Variants in VPS37C observed in about 807,000 individuals in gnomAD.
VPS37C encodes VPS37C subunit of ESCRT-I, also known as vacuolar protein sorting-associated protein 37C.
VPS37C carries 9 observed loss-of-function variants against 16.1 expected under a neutral mutation model. The observed-to-expected ratio is 0.56, with a 90% confidence interval of 0.34 to 0.97. The LOEUF (loss-of-function observed/expected upper bound fraction) is 0.97, where lower values mean the gene tolerates loss of function less well. Among genes scored for constraint, VPS37C ranks in the 50% least tolerant of loss-of-function variants. VPS37C has a pLI of 0.02. For missense variants in VPS37C, 479 were observed against 472.7 expected (o/e 1.01, Z -0.12); for synonymous variants, 207 against 206.4 (o/e 1.00, Z -0.02).
chr11:61,145,797 G>C (rs1853196058), intron 1 of VPS37C, among the ~76,000 whole-genome samples: 1 of 152,240 alleles, frequency 6.6e-6, no homozygotes, highest in Admixed American at 6.5e-5. Context: ...GGGGGTTCCT[G>C]AGATGTCCTT....
chr11:61,141,820 C>A (rs983942170), intron 1 of VPS37C, among the ~76,000 whole-genome samples: 1 of 152,256 alleles, frequency 6.6e-6, no homozygotes, highest in African/African-American at 2.4e-5. Context: ...TCTGCTCACT[C>A]CTGCAGTCAG....
chr11:61,145,895 G>A (rs1482210716), intron 1 of VPS37C, among the ~76,000 whole-genome samples: 1 of 152,198 alleles, frequency 6.6e-6, no homozygotes, highest in Non-Finnish European at 1.5e-5. Context: ...CCCTGGCCCA[G>A]AGCCCCTCCC....
At chr11:61,139,876 G>C (rs2134636286) in intron 1 of VPS37C, among the ~76,000 whole-genome samples, 1 of 151,702 alleles carries the variant, frequency 6.6e-6, no homozygotes, top group East Asian at 1.9e-4. Context: ...CCCGATAGCT[G>C]GCACTATAGG....
At chr11:61,134,348 T>C (rs1861327987) in intron 2 of VPS37C, 141 bp from the exon 3 acceptor site, 1 of 890,500 alleles carries the variant, frequency 1.1e-6, no homozygotes, top group Non-Finnish European at 1.7e-6. Flanking sequence ...AGCCCTCAAC[T>C]AGTCAGACAA....
chr11:61,135,762 G>A (rs1163236166), intron 2 of VPS37C, among the ~76,000 whole-genome samples: 1 of 152,158 alleles, frequency 6.6e-6, no homozygotes, highest in Non-Finnish European at 1.5e-5. Flanking sequence ...TACTTACATG[G>A]CTGACCCAGA....
At position 61,159,901 on chromosome 11, in the gene VPS37C, CAAAAAAA is replaced by C. The variant is rs35953020; in HGVS notation, c.-7+1483_-7+1489del. Among the ~76,000 whole-genome samples the C allele has an allele frequency of 9.0e-3, 445 of 49,528 alleles. 1 individual carries two copies. The highest frequency in any genetic ancestry group is 0.036 in the African/African-American group (417 of 11,706). The allele number at this position is 49,528 out of a possible 152,430, so 32.5% of individuals were successfully genotyped here. A position where few individuals can be genotyped will look rare whatever the true frequency, so the allele number is the denominator to read the frequency against. ...TGGGCGACAGATCAAGACTCCGTCT[CAAAAAAA>C]AAAAAAAAAAAAAAAAAAAATCCAA... is the stretch of plus-strand genomic sequence containing the variant. On this transcript the variant is annotated intron_variant, in intron 1 of 4. Transcript: ENST00000301765.
At chr11:61,134,593 C>T (rs1210535768) in intron 2 of VPS37C, among the ~76,000 whole-genome samples, 2 of 152,234 alleles carry the variant, frequency 1.3e-5, no homozygotes, top group Non-Finnish European at 2.9e-5. Context: ...AATTACTTAT[C>T]CCCAAGCTTC....
At chr11:61,155,188 A>G (rs886665187) in intron 1 of VPS37C, among the ~76,000 whole-genome samples, 6 of 151,976 alleles carry the variant, frequency 3.9e-5, no homozygotes, top group African/African-American at 1.5e-4. Context: ...AAGAGCAAAA[A>G]ATAAAAATAA....
In VPS37C at chr11:61,132,461, A is replaced by T. The variant is rs561266642; in HGVS notation, c.427T>A (p.Ser143Thr). The change falls in exon 5 of 5, where the codon TCC (serine) becomes ACC (threonine). Residue 143 changes from serine to threonine, a missense_variant. Ser to Thr is a moderately conservative substitution (Grantham distance 58). Transcript: ENST00000301765. ...TCCACGCGAACCCGGCGCAGGTGGG[A>T]CAGCATCCTCATGGAGGAAAAATTC... ...LENFSSMRML[S>T]HLRRVRVEKL... The T allele has an allele frequency of 6.2e-7, 1 of 1,612,988 alleles. No homozygotes were observed. Among genetic ancestry groups the T allele is most frequent in the South Asian group, 1.1e-5 (1 of 91,064 alleles).
chr11:61,139,145 G>C (rs1408016769), intron 1 of VPS37C, among the ~76,000 whole-genome samples: 3 of 152,180 alleles, frequency 2.0e-5, no homozygotes, highest in African/African-American at 7.2e-5. Context: ...GAGCAGAGAG[G>C]AAAAGGCAGG....
chr11:61,159,470 A>G (rs1484668591), intron 1 of VPS37C, among the ~76,000 whole-genome samples: 2 of 152,266 alleles, frequency 1.3e-5, no homozygotes, highest in African/African-American at 2.4e-5. Context: ...TTAAAAGCAC[A>G]TTAACTTCGA....
At chr11:61,160,620 A>G (rs1286471135) in intron 1 of VPS37C, among the ~76,000 whole-genome samples, 1 of 152,190 alleles carries the variant, frequency 6.6e-6, no homozygotes, top group Non-Finnish European at 1.5e-5. Context: ...TAGCTGGGAA[A>G]GCACTGCCTC....
At chr11:61,159,601 C>G (rs1318999627) in intron 1 of VPS37C, among the ~76,000 whole-genome samples, 1 of 151,918 alleles carries the variant, frequency 6.6e-6, no homozygotes, top group Non-Finnish European at 1.5e-5. Context: ...TCGAGACCAG[C>G]CTGGCCAACA....
chr11:61,139,032 A>G (rs1861429258), intron 1 of VPS37C, among the ~76,000 whole-genome samples, 197 bp from the exon 2 acceptor site: 1 of 152,192 alleles, frequency 6.6e-6, no homozygotes, highest in Non-Finnish European at 1.5e-5. Flanking sequence ...AGGGAGATCA[A>G]GGAGCTGCTC....
At chr11:61,148,438 T>C (rs949317099) in intron 1 of VPS37C, among the ~76,000 whole-genome samples, 1 of 152,206 alleles carries the variant, frequency 6.6e-6, no homozygotes, top group African/African-American at 2.4e-5. Flanking sequence ...AAACACCTGC[T>C]GTTGCCTTAG....
rs7105220 is a variant in VPS37C at position 61,158,411 on chromosome 11, T to C, written c.-7+2980A>G. 4.9e-3 allele frequency among the ~76,000 whole-genome samples: 753 copies of C among 152,342 alleles called. 5 individuals carry two copies. Among genetic ancestry groups the C allele is most frequent in the African/African-American group, 0.017 (727 of 41,578 alleles). ...AGTTATAGAACACTTGACCCGGCAA[T>C]AGCAGAAGATGCAATCTTCTCAAGT... On this transcript the variant is annotated intron_variant, in intron 1 of 4. Coordinates refer to ENST00000301765, the MANE Select transcript of VPS37C (RefSeq NM_017966.5).
At chr11:61,135,580 T>G (rs965021545) in intron 2 of VPS37C, among the ~76,000 whole-genome samples, 3 of 152,056 alleles carry the variant, frequency 2.0e-5, no homozygotes, top group Non-Finnish European at 4.4e-5. Context: ...ACTACAGGCA[T>G]GCACCACCAC....
chr11:61,159,719 AAAAT>A (rs1025808274), intron 1 of VPS37C, among the ~76,000 whole-genome samples: 2 of 82,924 alleles, frequency 2.4e-5, no homozygotes, highest in African/African-American at 4.2e-5. Flanking sequence ...GTCTCAAAAA[AAAAT>A]AAATAAATAA....
At chr11:61,158,683 T>C (rs1177415338) in intron 1 of VPS37C, among the ~76,000 whole-genome samples, 1 of 152,320 alleles carries the variant, frequency 6.6e-6, no homozygotes, top group East Asian at 1.9e-4. Flanking sequence ...GCCTGAGCTA[T>C]CTGTTTGAGG....
Sources: gnomAD v4.1 joint callset for allele counts (sites outside exome capture counted in the v4.1 genomes callset) on GRCh38, gnomAD v4.1.1 for gene constraint, MANE v1.5 for transcripts, NCBI Gene and HGNC (gene_info 2026-07-23, HGNC 2026-07-21) for gene names.